Variants in EFCAB6 observed in about 807,000 individuals in gnomAD.
EFCAB6 encodes EF-hand calcium binding domain 6.
EFCAB6 carries 156 observed loss-of-function variants against 169.8 expected under a neutral mutation model. That is an observed-to-expected ratio of 0.92 (90% CI 0.81 to 1.05). The LOEUF is 1.05. EFCAB6 is among the 50% of genes least tolerant of loss of function. EFCAB6 has a pLI of 0.00. For synonymous variants in EFCAB6, 698 were observed against 676.4 expected, an observed-to-expected ratio of 1.03 and a Z score of -0.50; for missense variants, 1,800 against 1,829.1, an observed-to-expected ratio of 0.98 and a Z score of 0.29.
At chr22:43,807,386 C>T (rs182967832) in intron 2 of EFCAB6, among the ~76,000 whole-genome samples, 235 of 152,262 alleles carry the variant, frequency 1.5e-3, no homozygotes, top group African/African-American at 5.4e-3. Context: ...TGGCAAGGAT[C>T]ATAAAAACTA....
At chr22:43,809,941 C>T (rs1206147298) in intron 1 of EFCAB6, among the ~76,000 whole-genome samples, 7 of 152,074 alleles carry the variant, frequency 4.6e-5, no homozygotes, top group Non-Finnish European at 1.0e-4. Flanking sequence ...CATTCTGTCG[C>T]CCAGGCTGGA....
At chr22:43,582,519 ACT>A (rs1400057823) in intron 24 of EFCAB6, among the ~76,000 whole-genome samples, 4 of 152,170 alleles carry the variant, frequency 2.6e-5, no homozygotes, top group Non-Finnish European at 5.9e-5. Flanking sequence ...TTCAATAAGA[ACT>A]CAGAAAATTT....
At chr22:43,722,486 G>A (rs182445351) in intron 8 of EFCAB6, among the ~76,000 whole-genome samples, 79 of 151,320 alleles carry the variant, frequency 5.2e-4, no homozygotes, top group Non-Finnish European at 8.5e-4. Flanking sequence ...AGCCGGGATC[G>A]CGCTGCTGCA....
intron 30 of EFCAB6, among the ~76,000 whole-genome samples, chr22:43,533,748 A>G: frequency 6.6e-6 from 1 of 152,032 alleles, no homozygotes; most frequent in East Asian, 1.9e-4. Context: ...GAAGTAACGG[A>G]GCAAATGGGG....
chr22:43,555,122 T>C (rs1042241587), intron 26 of EFCAB6, 26 bp from the exon 27 acceptor site: 1 of 1,611,954 alleles, frequency 6.2e-7, no homozygotes, highest in African/African-American at 1.3e-5. Context: ...TGGAAATTGA[T>C]CCATGTGAGA....
chr22:43,574,248 GA>G (rs1033194392), intron 26 of EFCAB6, among the ~76,000 whole-genome samples: 1 of 151,078 alleles, frequency 6.6e-6, no homozygotes, highest in Non-Finnish European at 1.5e-5. Context: ...AACGTTAAGT[GA>G]AAAAAAGCAA....
At chr22:43,589,625 TA>T (rs760452512) in intron 24 of EFCAB6, among the ~76,000 whole-genome samples, 9 of 152,208 alleles carry the variant, frequency 5.9e-5, no homozygotes, top group Admixed American at 1.3e-4. Flanking sequence ...CCGTCTCTAC[TA>T]AAAATACAAA....
At position 43,566,541 on chromosome 22, in the gene EFCAB6, G is replaced by A. The variant is rs1194437973; in HGVS notation, c.3420+9756C>T. Among the ~76,000 whole-genome samples, 4 of 152,262 alleles carry A rather than the reference G, an allele frequency of 2.6e-5. No individual in the cohort carries two copies. The South Asian group carries it at 6.2e-4, about 24-fold the overall frequency. ...TCACATCACCCTGAGAGGCAGCCGTGGCTCTCCCTGCTGTATAGACAAAGT... is the reference window on the plus strand; with the variant it reads ...TCACATCACCCTGAGAGGCAGCCGTAGCTCTCCCTGCTGTATAGACAAAGT... On this transcript the variant is annotated intron_variant, in intron 26 of 31. Coordinates refer to ENST00000262726, the MANE Select transcript of EFCAB6 (RefSeq NM_022785.4).
chr22:43,580,363 G>A (rs2050639135), intron 25 of EFCAB6, 101 bp downstream of exon 25: 1 of 1,285,428 alleles, frequency 7.8e-7, no homozygotes, highest in East Asian at 2.3e-5. Flanking sequence ...GACACCCCAA[G>A]GAGAATGAAC....
At chr22:43,590,314 T>C (rs993157021) in intron 23 of EFCAB6, 85 bp from the exon 24 acceptor site, 1 of 1,483,428 alleles carries the variant, frequency 6.7e-7, no homozygotes, top group Non-Finnish European at 9.1e-7. Context: ...ATTATTCTAA[T>C]GCAATGAGCT....
At chr22:43,766,302 G>A (rs2061324754) in intron 4 of EFCAB6, among the ~76,000 whole-genome samples, 1 of 151,786 alleles carries the variant, frequency 6.6e-6, no homozygotes, top group Non-Finnish European at 1.5e-5. Context: ...CAAAGTACTG[G>A]GATTACAGGC....
chr22:43,626,721 C>T (rs531065120), intron 19 of EFCAB6, 42 bp from the exon 20 acceptor site: 1 of 1,603,052 alleles, frequency 6.2e-7, no homozygotes, highest in East Asian at 2.2e-5. Flanking sequence ...CCCCAAGAGC[C>T]CCGGACGGCC....
intron 18 of EFCAB6, among the ~76,000 whole-genome samples, chr22:43,633,987 C>A (rs1347603844): frequency 6.6e-6 from 1 of 152,040 alleles, no homozygotes; most frequent in Non-Finnish European, 1.5e-5. Context: ...CTTAGAGGGG[C>A]AAGGAGGAGA....
Position 43,548,465 on chromosome 22 carries a change from A to G in EFCAB6, c.3648+6404T>C, listed in dbSNP as rs1430276403. Among the ~76,000 whole-genome samples, 3 of 134,196 alleles carry G rather than the reference A, an allele frequency of 2.2e-5. No individual in the cohort carries two copies. The Admixed American group carries it at 2.6e-4, about 11-fold the overall frequency. 88.0% of individuals were successfully genotyped at this position (134,196 alleles called of 152,430 possible). On this transcript the variant is annotated intron_variant, in intron 27 of 31. Transcript: ENST00000262726. ...TGAGGCAGGAGAATTGCTTGAACCC[A>G]GGAGGTAGAGGTTGCAGTGAGCCGA...
chr22:43,652,728 G>A (rs554889428), intron 17 of EFCAB6, among the ~76,000 whole-genome samples: 1 of 150,878 alleles, frequency 6.6e-6, no homozygotes, highest in Admixed American at 6.6e-5. Flanking sequence ...GGCATTCTAA[G>A]AGACAGAACC....
At chr22:43,535,165 A>G in intron 29 of EFCAB6, 1 of 321,294 alleles carries the variant, frequency 3.1e-6, no homozygotes, top group South Asian at 5.8e-5. Context: ...AGAGGGAGGT[A>G]AGGGGGTGTT....
chr22:43,797,046 T>C (rs2062536151), intron 2 of EFCAB6, among the ~76,000 whole-genome samples: 1 of 152,158 alleles, frequency 6.6e-6, no homozygotes, highest in East Asian at 1.9e-4. Flanking sequence ...CCTAAAAATT[T>C]TGGCCCAGGA....
intron 26 of EFCAB6, among the ~76,000 whole-genome samples, chr22:43,564,560 A>G: frequency 6.6e-6 from 1 of 152,140 alleles, no homozygotes; most frequent in East Asian, 1.9e-4. Flanking sequence ...GGAAAGCTCT[A>G]AGGGAGAAGC....
At chr22:43,594,562 A>G (rs1449561825) in intron 23 of EFCAB6, among the ~76,000 whole-genome samples, 1 of 152,246 alleles carries the variant, frequency 6.6e-6, no homozygotes, top group Non-Finnish European at 1.5e-5. Context: ...TTAATATAAA[A>G]GAATCAACTC....
Sources: allele counts gnomAD v4.1 joint callset (sites outside exome capture counted in the v4.1 genomes callset), GRCh38; gene constraint gnomAD v4.1.1; transcripts MANE v1.5; gene names NCBI Gene and HGNC (gene_info 2026-07-23, HGNC 2026-07-21).